REST: variants seen among roughly 807,000 people sequenced by gnomAD.
REST encodes RE1 silencing transcription factor, also known as RE1-silencing transcription factor.
Under a neutral mutation model 30.4 loss-of-function variants are expected in REST, and 1 was observed. The ratio of observed to expected loss-of-function variants is 0.03; its 90% CI spans 0.01 to 0.16. The LOEUF (loss-of-function observed/expected upper bound fraction) is 0.16. Ranked by LOEUF, REST falls within the 10% of genes least tolerant of loss-of-function variation. The pLI is 1.00. For synonymous variants in REST, 504 were observed against 451.1 expected (o/e 1.12, Z -1.49); for missense variants, 1,259 against 1,329.5 (o/e 0.95, Z 0.82).
At chr4:56,925,493 T>C (rs868733425) in intron 3 of REST, among the ~76,000 whole-genome samples, 2 of 152,174 alleles carry the variant, frequency 1.3e-5, no homozygotes, top group Admixed American at 6.5e-5. Flanking sequence ...GGATTACGGG[T>C]GTGAACCACT....
intron 3 of REST, chr4:56,927,598 G>GCA: frequency 9.4e-7 from 1 of 1,063,424 alleles, no homozygotes; most frequent in East Asian, 8.5e-5. Context: ...TTTCTACTAT[G>GCA]CATTCCATTG....
rs868580797 is a variant in REST, at chr4:56,935,335, T to G, written c.*3183T>G. 2.0e-5 allele frequency: 3 copies of G among 152,230 alleles called. No individual in the cohort carries two copies. The highest frequency in any genetic ancestry group is 4.1e-4 in the South Asian group (2 of 4,832). 9.4% of individuals were successfully genotyped at this position (152,230 alleles called of 1,614,324 possible). On this transcript the variant is annotated 3_prime_UTR_variant, in exon 4 of 4. Coordinates refer to ENST00000309042, the MANE Select transcript of REST (RefSeq NM_005612.5). ...GGTGTTCCTAGTTTCCTGGTTGACCTCAGCAGATGAAGTGAACAGATAGTG... is the reference window on the plus strand; with the variant it reads ...GGTGTTCCTAGTTTCCTGGTTGACCGCAGCAGATGAAGTGAACAGATAGTG...
At chr4:56,911,998 T>C (rs1719945070) in intron 2 of REST, among the ~76,000 whole-genome samples, 1 of 152,208 alleles carries the variant, frequency 6.6e-6, no homozygotes, top group East Asian at 1.9e-4. Context: ...TATTTATTTC[T>C]GTGACAGTGA....
Position 56,910,954 on chromosome 4 carries a change from C to G in REST, c.316C>G (p.Leu106Val). 6.2e-7 allele frequency: 1 copy of G among 1,614,172 alleles called. No individual in the cohort carries two copies. Among genetic ancestry groups the G allele is most frequent in the South Asian group, 1.1e-5 (1 of 91,082 alleles). Residue 106 changes from leucine (L) to valine (V), a missense_variant, in exon 2 of 4, where the codon CTG becomes GTG. Coordinates refer to ENST00000309042, the MANE Select transcript of REST (RefSeq NM_005612.5). ...SADIKGEPHGLENMELRSLEL... is the reference protein window; with the variant it reads ...SADIKGEPHGVENMELRSLEL... ...TGATATAAAAGGTGAACCTCATGGA[C>G]TGGAAAACATGGAACTGAGAAGTTT... is the stretch of plus-strand genomic sequence containing the variant.
In REST at chr4:56,931,006, A is replaced by G. The variant is rs776323261; in HGVS notation, c.2148A>G (p.Val716=). ...CTGCTCAGATGGAGGTTGCCCAGGTAGAATCTGCTCCCATGCAGGTGGTCC... is the reference window on the plus strand; with the variant it reads ...CTGCTCAGATGGAGGTTGCCCAGGTGGAATCTGCTCCCATGCAGGTGGTCC... The part of the protein sequence containing the change: ...MEPAQMEVAQ[V]ESAPMQVVQK... The change falls in exon 4 of 4, where the codon GTA becomes GTG. Residue 716 remains valine (V), a synonymous_variant. Coordinates refer to ENST00000309042, the MANE Select transcript of REST (RefSeq NM_005612.5). 6.2e-7 allele frequency: 1 copy of G among 1,614,180 alleles called. No individual in the cohort carries two copies. The highest frequency in any genetic ancestry group is 8.5e-7 in the Non-Finnish European group (1 of 1,180,036).
intron 3 of REST, among the ~76,000 whole-genome samples, chr4:56,926,457 C>T (rs1578507880): frequency 1.4e-5 from 2 of 147,972 alleles, no homozygotes; most frequent in African/African-American, 2.5e-5. Flanking sequence ...GCTCACTGCA[C>T]CCTCTGCCTC....
chr4:56,931,749 C>T lies in REST; in HGVS notation c.2891C>T (p.Ser964Leu). ...NTRENLTGIN[S>L]TVEEPVSPML... ...AGAGAGAATCTCACTGGTATAAATT[C>T]AACAGTTGAAGAACCAGTTTCACCA... The change falls in exon 4 of 4, where the codon TCA (serine) becomes TTA (leucine). Residue 964 changes from serine (S) to leucine (L), a missense_variant. This residue lies in a region of REST where 856 missense variants were observed against 772.8 expected (regional missense o/e 1.11). Transcript: ENST00000309042. The T allele has an allele frequency of 6.2e-7, 1 of 1,614,176 alleles. No individual in the cohort carries two copies. The highest frequency in any genetic ancestry group is 1.1e-5 in the South Asian group (1 of 91,082).
intron 3 of REST, among the ~76,000 whole-genome samples, chr4:56,929,086 T>G (rs1406506682): frequency 5.9e-5 from 9 of 151,364 alleles, no homozygotes; most frequent in Admixed American, 5.9e-4. Flanking sequence ...TTTTTTTTCT[T>G]TGAGACACAG....
At position 56,931,755 on chromosome 4, in the gene REST, T is replaced by G. The variant is rs769297005; in HGVS notation, c.2897T>G (p.Val966Gly). ...RENLTGINST[V>G]EEPVSPMLPP... ...AATCTCACTGGTATAAATTCAACAG[T>G]TGAAGAACCAGTTTCACCAATGCTT... Residue 966 changes from valine to glycine, a missense_variant, in exon 4 of 4, where the codon GTT (valine) becomes GGT (glycine). Transcript: ENST00000309042. 7.4e-6 allele frequency: 12 copies of G among 1,614,098 alleles called. No homozygotes were observed. The highest frequency in any genetic ancestry group is 1.0e-5 in the Non-Finnish European group (12 of 1,180,050).
At chr4:56,925,687 A>G (rs1720670534) in intron 3 of REST, among the ~76,000 whole-genome samples, 1 of 152,248 alleles carries the variant, frequency 6.6e-6, no homozygotes, top group Admixed American at 6.5e-5. Context: ...AATTGTTTGT[A>G]CAGGGCAAAA....
At position 56,911,547 on chromosome 4, in the gene REST, CT is replaced by C; in HGVS notation, c.898+14del. The C allele has an allele frequency of 6.3e-7, 1 of 1,596,628 alleles. No homozygotes were observed. The highest frequency in any genetic ancestry group is 8.6e-7 in the Non-Finnish European group (1 of 1,167,868). ...TTAGAACTCATACAGGTAAGAGAAG[CT>C]TTCTAGTCCATAAGTTCAGTTCTCT... On this transcript the variant is annotated intron_variant, in intron 2 of 3. Transcript: ENST00000309042.
Position 56,930,163 on chromosome 4 carries a change from T to C in REST, c.1305T>C (p.Ala435=). The change falls in exon 4 of 4, where the codon GCT becomes GCC. Residue 435 remains alanine, a synonymous_variant. Transcript: ENST00000309042. The part of the protein sequence containing the change: ...VKLKKTKKRE[A]DLPDNITNEK... Reference sequence around the variant, plus strand: ...TAAAGAAAACCAAAAAACGAGAGGCTGACTTGCCTGATAATATTACCAATG... The same window carrying C: ...TAAAGAAAACCAAAAAACGAGAGGCCGACTTGCCTGATAATATTACCAATG... The C allele has an allele frequency of 6.2e-7, 1 of 1,612,918 alleles. No individual in the cohort carries two copies. The highest frequency in any genetic ancestry group is 1.7e-5 in the Admixed American group (1 of 59,784).
chr4:56,929,419 T>C (rs1472514376), intron 3 of REST, among the ~76,000 whole-genome samples: 1 of 152,144 alleles, frequency 6.6e-6, no homozygotes. Context: ...TCCCAGAGAG[T>C]TGAGGTTATA....
At chr4:56,927,730 T>C (rs1174929610) in intron 3 of REST, 7 of 662,914 alleles carry the variant, frequency 1.1e-5, no homozygotes, top group African/African-American at 1.9e-5. Context: ...TCTGGTTTTT[T>C]ATGTATCAGT....
At position 56,935,390 on chromosome 4, in the gene REST, C is replaced by G. The variant is rs1450734201; in HGVS notation, c.*3238C>G. On this transcript the variant is annotated 3_prime_UTR_variant, in exon 4 of 4. Coordinates refer to ENST00000309042, the MANE Select transcript of REST (RefSeq NM_005612.5). ...TTCAGATTGAAGAAATTATCTGAAT[C>G]TTGGTTTGTGTAGATTTACAATCTA... The G allele has an allele frequency of 1.3e-5, 2 of 152,170 alleles. No individual in the cohort carries two copies. The highest frequency in any genetic ancestry group is 2.9e-5 in the Non-Finnish European group (2 of 68,030). The allele number at this position is 152,170 out of a possible 1,614,324, so 9.4% of individuals were successfully genotyped here.
intron 3 of REST, among the ~76,000 whole-genome samples, chr4:56,920,799 G>A (rs1360234445): frequency 6.6e-6 from 1 of 152,074 alleles, no homozygotes; most frequent in Non-Finnish European, 1.5e-5. Context: ...AGTAATGTTA[G>A]CATTGGTGGT....
Position 56,930,654 on chromosome 4 carries a change from A to G in REST, c.1796A>G (p.Glu599Gly), listed in dbSNP as rs901145804. 1 of 1,613,790 alleles carries G rather than the reference A, an allele frequency of 6.2e-7. No individual in the cohort carries two copies. The highest frequency in any genetic ancestry group is 8.5e-7 in the Non-Finnish European group (1 of 1,179,946). ...SKKSSKPPQK[E>G]PVEKGSAQMD... ...AAAAGCAGTAAGCCTCCTCAGAAGG[A>G]ACCTGTTGAGAAGGGATCTGCTCAG... Residue 599 changes from glutamate (E) to glycine (G), a missense_variant, in exon 4 of 4, where the codon GAA becomes GGA. This residue lies in a region of REST where 856 missense variants were observed against 772.8 expected (regional missense o/e 1.11). Transcript: ENST00000309042.
At chr4:56,916,089 A>T (rs1720183356) in intron 2 of REST, among the ~76,000 whole-genome samples, 1 of 147,904 alleles carries the variant, frequency 6.8e-6, no homozygotes, top group South Asian at 2.4e-4. Flanking sequence ...GGACAGAGTG[A>T]GACTCTGTCT....
Position 56,934,954 on chromosome 4 carries a change from GCTT to G in REST, c.*2806_*2808del, listed in dbSNP as rs1279591110. 1.4e-5 allele frequency: 2 copies of G among 147,594 alleles called. No individual in the cohort carries two copies. The highest frequency in any genetic ancestry group is 2.5e-5 in the African/African-American group (1 of 40,148). 9.1% of individuals were successfully genotyped at this position (147,594 alleles called of 1,614,324 possible). A position where few individuals can be genotyped will look rare whatever the true frequency, so the allele number is the denominator to read the frequency against. ...TATATTTTTTCCTCTTTTCAGAGCT[GCTT>G]CTTATTCTGGGGCTACTTTTTTTTT... On this transcript the variant is annotated 3_prime_UTR_variant, in exon 4 of 4. Transcript: ENST00000309042.
Sources: allele counts gnomAD v4.1 joint callset (sites outside exome capture counted in the v4.1 genomes callset), GRCh38; gene constraint gnomAD v4.1.1; regional missense constraint gnomAD v4.1.1; transcripts MANE v1.5; gene names NCBI Gene and HGNC (gene_info 2026-07-23, HGNC 2026-07-21).